Variants in COX5A observed in about 807,000 individuals in gnomAD.
The protein encoded by COX5A is cytochrome c oxidase subunit 5A, mitochondrial.
Under a neutral mutation model 16.1 loss-of-function variants are expected in COX5A, and 6 were observed. That is an observed-to-expected ratio of 0.37 (90% CI 0.20 to 0.73). COX5A has a LOEUF of 0.73. Among genes scored for constraint, COX5A ranks in the 30% least tolerant of loss-of-function variants. COX5A has a pLI of 0.50. For synonymous variants in COX5A, 73 were observed against 73.8 expected (o/e 0.99, Z 0.06); for missense variants, 159 against 194.9 (o/e 0.82, Z 1.10).
rs556713796 is a variant in COX5A at position 74,923,660 on chromosome 15, C to T, written c.450G>A (p.Val150=). The T allele has an allele frequency of 1.5e-5, 24 of 1,603,362 alleles. No individual in the cohort carries two copies. The highest frequency in any genetic ancestry group is 2.0e-5 in the Non-Finnish European group (23 of 1,172,072). ...STPEELGLDK[V] is the part of the protein sequence containing the mutation. ...GTTTGTCGCTTACCCATGCGGTTTA[C>T]ACTTTGTCAAGGCCCAGTTCCTCCG... The change falls in exon 4 of 5, where the codon GTG becomes GTA. Residue 150 remains valine (V), a synonymous_variant. Transcript: ENST00000322347.
chr15:74,935,137 C>T (rs1202283666), intron 1 of COX5A, among the ~76,000 whole-genome samples: 1 of 152,086 alleles, frequency 6.6e-6, no homozygotes, highest in Non-Finnish European at 1.5e-5. Context: ...GGCACATTAA[C>T]GAGTTACTGA....
chr15:74,933,013 A>G (rs1215032302), intron 1 of COX5A, among the ~76,000 whole-genome samples: 1 of 151,996 alleles, frequency 6.6e-6, no homozygotes, highest in Non-Finnish European at 1.5e-5. Context: ...CTACAACAAG[A>G]AAAAAATGGA....
At chr15:74,933,387 C>T (rs761436004) in intron 1 of COX5A, among the ~76,000 whole-genome samples, 6 of 148,882 alleles carry the variant, frequency 4.0e-5, no homozygotes, top group African/African-American at 9.7e-5. Context: ...CCAGCCTGGG[C>T]GACAGAGCAA....
intron 3 of COX5A, among the ~76,000 whole-genome samples, chr15:74,925,888 G>A (rs558273638): frequency 2.7e-5 from 4 of 147,648 alleles, no homozygotes; most frequent in South Asian, 2.2e-4. Flanking sequence ...TTTTAGAGAC[G>A]GAGTTTCTCT....
intron 1 of COX5A, among the ~76,000 whole-genome samples, chr15:74,936,298 A>AAAAC (rs766975178): frequency 6.7e-6 from 1 of 150,014 alleles, no homozygotes; most frequent in African/African-American, 2.4e-5. Context: ...AAACAAAACA[A>AAAAC]AAACAAACAA....
At chr15:74,937,665 C>T (rs1487444145) in intron 1 of COX5A, 4 of 316,850 alleles carry the variant, frequency 1.3e-5, no homozygotes, top group Non-Finnish European at 2.3e-5. Flanking sequence ...CTCCTCGGCG[C>T]CCACAGCAGG....
At chr15:74,920,925 C>T (rs750800049) in intron 4 of COX5A, among the ~76,000 whole-genome samples, 8 of 151,414 alleles carry the variant, frequency 5.3e-5, no homozygotes, top group African/African-American at 9.7e-5. Context: ...TGGAGTGGGC[C>T]GAGATCGCTT....
intron 1 of COX5A, among the ~76,000 whole-genome samples, chr15:74,934,155 G>A (rs893866257): frequency 3.3e-5 from 5 of 152,082 alleles, no homozygotes; most frequent in African/African-American, 9.7e-5. Flanking sequence ...AGGCTGAGGC[G>A]GGAGGATCCC....
chr15:74,927,297 C>G (rs1294295084), intron 2 of COX5A, among the ~76,000 whole-genome samples: 1 of 152,070 alleles, frequency 6.6e-6, no homozygotes, highest in Non-Finnish European at 1.5e-5. Flanking sequence ...CTGCCTCAGC[C>G]TACCAAGTAG....
chr15:74,937,885 G>C, intron 1 of COX5A, 30 bp downstream of exon 1: 1 of 1,207,082 alleles, frequency 8.3e-7, no homozygotes, highest in Non-Finnish European at 1.0e-6. Context: ...AGGACACGAG[G>C]GCGCGGGCAG....
chr15:74,932,531 A>G (rs2065372021), intron 1 of COX5A, among the ~76,000 whole-genome samples: 1 of 152,062 alleles, frequency 6.6e-6, no homozygotes, highest in Non-Finnish European at 1.5e-5. Context: ...AAATTTAAAC[A>G]TTAGTAATAT....
At chr15:74,922,384 C>CA (rs200528837) in intron 4 of COX5A, among the ~76,000 whole-genome samples, 1,693 of 71,628 alleles carry the variant, frequency 0.024, 25 homozygotes, top group African/African-American at 0.067. Context: ...GACTCCGTCT[C>CA]AAAAAAAAAA....
chr15:74,933,353 G>A (rs2065374729), intron 1 of COX5A, among the ~76,000 whole-genome samples: 2 of 151,880 alleles, frequency 1.3e-5, no homozygotes, highest in Admixed American at 1.3e-4. Context: ...AGGTTGCAGT[G>A]AGCCAAGATC....
Position 74,937,698 on chromosome 15 carries a change from T to C in COX5A, c.100+217A>G, listed in dbSNP as rs1255836453. 1.7e-5 allele frequency: 6 copies of C among 359,564 alleles called. No individual in the cohort carries two copies. In the Admixed American group the frequency reaches 2.3e-4, roughly 14 times the overall value. The allele number at this position is 359,564 out of a possible 1,614,324, so 22.3% of individuals were successfully genotyped here. ...AGGTCCACATCTGACCTGTCCGCGGTGGCACAGCCAGGAAGTTGCGCGGGG... is the reference window on the plus strand; with the variant it reads ...AGGTCCACATCTGACCTGTCCGCGGCGGCACAGCCAGGAAGTTGCGCGGGG... On this transcript the variant is annotated intron_variant, in intron 1 of 4. Coordinates refer to ENST00000322347, the MANE Select transcript of COX5A (RefSeq NM_004255.4).
intron 2 of COX5A, 43 bp downstream of exon 2, chr15:74,929,073 A>C (rs1157437476): frequency 1.4e-6 from 2 of 1,392,778 alleles, no homozygotes; most frequent in Non-Finnish European, 2.0e-6. Context: ...AGCAGTTCAT[A>C]TTTACACACC....
At chr15:74,929,663 C>T (rs907633164) in intron 1 of COX5A, among the ~76,000 whole-genome samples, 5 of 152,180 alleles carry the variant, frequency 3.3e-5, no homozygotes, top group Admixed American at 6.6e-5. Flanking sequence ...TACTCAGAGG[C>T]TGAGGCAGGA....
rs2065330988 is a variant in COX5A at position 74,923,567 on chromosome 15, C to G, written c.*9+81G>C. On this transcript the variant is annotated intron_variant, in intron 4 of 4. Transcript: ENST00000322347. ...ACCTCTAACAAGAACACTGAAAGGTCTTACTATAGCACACTGAAATGTCAT... is the reference window on the plus strand; with the variant it reads ...ACCTCTAACAAGAACACTGAAAGGTGTTACTATAGCACACTGAAATGTCAT... 3 of 748,070 alleles carry G rather than the reference C, an allele frequency of 4.0e-6. No individual in the cohort carries two copies. In the African/African-American group the frequency reaches 5.2e-5, roughly 13 times the overall value. 46.3% of individuals were successfully genotyped at this position (748,070 alleles called of 1,614,324 possible).
chr15:74,931,884 A>G (rs1233285124), intron 1 of COX5A, among the ~76,000 whole-genome samples: 1 of 152,150 alleles, frequency 6.6e-6, no homozygotes, highest in Non-Finnish European at 1.5e-5. Flanking sequence ...TCAAATGGAC[A>G]CTGAATTGAG....
chr15:74,921,879 A>AGG (rs2065322709), intron 4 of COX5A, among the ~76,000 whole-genome samples: 1 of 152,132 alleles, frequency 6.6e-6, no homozygotes, highest in African/African-American at 2.4e-5. Context: ...TGTGCTGGTG[A>AGG]GGGGGTGGAC....
Sources: gnomAD v4.1 joint callset for allele counts (sites outside exome capture counted in the v4.1 genomes callset) on GRCh38, gnomAD v4.1.1 for gene constraint, MANE v1.5 for transcripts, NCBI Gene and HGNC (gene_info 2026-07-23, HGNC 2026-07-21) for gene names.